USP8: variants seen among roughly 807,000 people sequenced by gnomAD.
The protein encoded by USP8 is ubiquitin carboxyl-terminal hydrolase 8.
In USP8, 27 loss-of-function variants were observed where a neutral mutation model predicts 130.0. That is an observed-to-expected ratio of 0.21 (90% confidence interval 0.15 to 0.29). The LOEUF is 0.29. USP8 is among the 10% of genes least tolerant of loss of function. The pLI is 1.00. For missense variants in USP8, 1,029 were observed against 1,312.2 expected (o/e 0.78, Z 3.33); for synonymous variants, 392 against 444.1 (o/e 0.88, Z 1.48).
chr15:50,502,630 A>G lies in USP8; in HGVS notation c.*3542A>G, dbSNP rs1322267171. ...AGTGATCCACCTGCCTCCACCTCCC[A>G]AAGTGCTGGGATTACAGGCGTGAGC... On this transcript the variant is annotated 3_prime_UTR_variant, in exon 20 of 20. Transcript: ENST00000307179. The G allele has an allele frequency of 6.6e-6, 1 of 152,114 alleles. No homozygotes were observed. The highest frequency in any genetic ancestry group is 1.9e-4 in the East Asian group (1 of 5,158). The allele number at this position is 152,114 out of a possible 1,614,324, so 9.4% of individuals were successfully genotyped here. A position where few individuals can be genotyped will look rare whatever the true frequency, so the allele number is the denominator to read the frequency against.
Position 50,503,826 on chromosome 15 carries a change from A to G in USP8, c.*4738A>G, listed in dbSNP as rs189991680. 1 of 152,354 alleles carries G rather than the reference A, an allele frequency of 6.6e-6. No homozygotes were observed. The highest frequency in any genetic ancestry group is 1.9e-4 in the East Asian group (1 of 5,192). 9.4% of individuals were successfully genotyped at this position (152,354 alleles called of 1,614,324 possible). On this transcript the variant is annotated 3_prime_UTR_variant, in exon 20 of 20. Coordinates refer to ENST00000307179, the MANE Select transcript of USP8 (RefSeq NM_005154.5). ...ATGAAACCCCAATGAAGTTGAGATC[A>G]CAATTCAAAATAATAGAACATGCAA... is the stretch of plus-strand genomic sequence containing the variant.
intron 7 of USP8, among the ~76,000 whole-genome samples, chr15:50,465,716 T>G (rs184746239): frequency 1.3e-5 from 2 of 152,346 alleles, no homozygotes; most frequent in Non-Finnish European, 2.9e-5. Context: ...TTTTACATAC[T>G]GAAATTCCCT....
chr15:50,513,521 A>T lies in USP8; in HGVS notation c.*14433A>T. ...TCGAGACAAGAGCGAAACTGTCTAA[A>T]AAAAAAAAAAAAAAAAAGAGTGAAG... On this transcript the variant is annotated 3_prime_UTR_variant, in exon 20 of 20. Transcript: ENST00000307179. The T allele has an allele frequency of 6.7e-6, 1 of 148,588 alleles. No individual in the cohort carries two copies. The highest frequency in any genetic ancestry group is 2.5e-5 in the African/African-American group (1 of 40,720). The allele number at this position is 148,588 out of a possible 1,614,324, so 9.2% of individuals were successfully genotyped here.
chr15:50,474,521 A>C (rs754701077), intron 8 of USP8, among the ~76,000 whole-genome samples: 21 of 152,238 alleles, frequency 1.4e-4, no homozygotes, highest in Non-Finnish European at 2.8e-4. Context: ...ATTGACCTAC[A>C]AATGGCAGTT....
intron 14 of USP8, among the ~76,000 whole-genome samples, chr15:50,491,580 G>A (rs3098177): frequency 0.47 from 71,162 of 151,990 alleles, 17,037 homozygotes; most frequent in East Asian, 0.58. Context: ...CAGGTAAAGA[G>A]GAGCTGATTG....
At chr15:50,431,945 C>A (rs1473663212) in intron 1 of USP8, among the ~76,000 whole-genome samples, 1 of 152,198 alleles carries the variant, frequency 6.6e-6, no homozygotes, top group Non-Finnish European at 1.5e-5. Flanking sequence ...TGTCAGCCAC[C>A]ATGCCCAGCC....
rs759395527 is a variant in USP8, at chr15:50,471,763, A to G, written c.817A>G (p.Thr273Ala). The change falls in exon 8 of 20, where the codon ACT becomes GCT. Residue 273 changes from threonine to alanine, a missense_variant. Around this residue, in one of 4 missense-constraint regions of USP8, gnomAD observed 281 missense variants for 336.7 expected, o/e 0.83. Coordinates refer to ENST00000307179, the MANE Select transcript of USP8 (RefSeq NM_005154.5). ...TGCCAAAGATTTACAGATTGGAACA[A>G]CTCTCCGGAGTCTGAAAGATGCACT... ...SSAKDLQIGTTLRSLKDALFK... is the reference protein window; with the variant it reads ...SSAKDLQIGTALRSLKDALFK... The G allele has an allele frequency of 1.2e-6, 2 of 1,613,338 alleles. No individual in the cohort carries two copies. The highest frequency in any genetic ancestry group is 1.7e-5 in the Admixed American group (1 of 59,914).
intron 1 of USP8, among the ~76,000 whole-genome samples, chr15:50,431,165 C>CTCTGTGTGTG (rs1555525411): frequency 1.4e-5 from 2 of 140,880 alleles, no homozygotes; most frequent in African/African-American, 5.4e-5. Flanking sequence ...GTGTGTGCCT[C>CTCTGTGTGTG]TGTGTGTGTG....
chr15:50,508,586 C>G lies in USP8; in HGVS notation c.*9498C>G, dbSNP rs910895436. On this transcript the variant is annotated 3_prime_UTR_variant, in exon 20 of 20. Transcript: ENST00000307179. ...AAACATTAAAACATAACAGAATAAACCCTAAAAGAGTAGAGGGAAGAGATA... is the reference window on the plus strand; with the variant it reads ...AAACATTAAAACATAACAGAATAAAGCCTAAAAGAGTAGAGGGAAGAGATA... The G allele has an allele frequency of 1.3e-5, 2 of 151,944 alleles. No homozygotes were observed. The highest frequency in any genetic ancestry group is 4.8e-5 in the African/African-American group (2 of 41,328). The allele number at this position is 151,944 out of a possible 1,614,324, so 9.4% of individuals were successfully genotyped here.
At chr15:50,470,895 G>A (rs1001446531) in intron 7 of USP8, among the ~76,000 whole-genome samples, 1 of 152,196 alleles carries the variant, frequency 6.6e-6, no homozygotes, top group Non-Finnish European at 1.5e-5. Flanking sequence ...ACCATGCCCA[G>A]CCGGACTTTA....
intron 1 of USP8, among the ~76,000 whole-genome samples, chr15:50,424,993 G>T (rs1289408537): frequency 1.5e-5 from 2 of 132,264 alleles, no homozygotes; most frequent in African/African-American, 5.2e-5. Flanking sequence ...TCAAATAGAA[G>T]ATTTTTTTTT....
rs2141301676 is a variant in USP8, at chr15:50,479,562, G to GTAT, written c.1219-1919_1219-1918insTAT. On this transcript the variant is annotated intron_variant, in intron 10 of 19. Coordinates refer to ENST00000307179, the MANE Select transcript of USP8 (RefSeq NM_005154.5). ...TTAAAATTAGGGAAAAATAGATCAA[G>GTAT]CCACCAAAATGTAAATGGAAACAAC... Among the ~76,000 whole-genome samples, 4 of 152,040 alleles carry GTAT rather than the reference G, an allele frequency of 2.6e-5. No individual in the cohort carries two copies. In the East Asian group the frequency reaches 7.7e-4, roughly 29 times the overall value.
In USP8 at chr15:50,441,329, A is replaced by AT. The variant is rs747536253; in HGVS notation, c.105-14dup. 9 of 1,567,086 alleles carry AT rather than the reference A, an allele frequency of 5.7e-6. No individual in the cohort carries two copies. Among genetic ancestry groups the AT allele is most frequent in the Admixed American group, 2.2e-5 (1 of 46,448 alleles). On this transcript the variant is annotated intron_variant, in intron 2 of 19. Coordinates refer to ENST00000307179, the MANE Select transcript of USP8 (RefSeq NM_005154.5). Reference sequence around the variant, plus strand: ...CCAGATGTCAATTGCTTTAATTATTATTTTTTCTCTAATTTTAAGTTATGT... The same window carrying AT: ...CCAGATGTCAATTGCTTTAATTATTATTTTTTTCTCTAATTTTAAGTTATGT...
intron 7 of USP8, among the ~76,000 whole-genome samples, chr15:50,466,203 A>T (rs1302479495): frequency 6.6e-6 from 1 of 152,178 alleles, no homozygotes; most frequent in African/African-American, 2.4e-5. Flanking sequence ...ATATATTTTT[A>T]AAATTAGGTA....
At chr15:50,495,502 A>G (rs551047234) in intron 16 of USP8, among the ~76,000 whole-genome samples, 102 of 148,692 alleles carry the variant, frequency 6.9e-4, no homozygotes, top group African/African-American at 2.5e-3. Context: ...GGGTCTCACT[A>G]TGTTGCACAA....
At chr15:50,491,035 T>G (rs17598020) in intron 14 of USP8, among the ~76,000 whole-genome samples, 2,891 of 152,300 alleles carry the variant, frequency 0.019, 37 homozygotes, top group Middle Eastern at 0.041. Context: ...GCTATTCTGT[T>G]TACAAATATT....
intron 7 of USP8, among the ~76,000 whole-genome samples, chr15:50,471,375 G>A (rs1338945165): frequency 1.3e-5 from 2 of 151,980 alleles, no homozygotes; most frequent in Admixed American, 1.3e-4. Context: ...TTTTTAAAAG[G>A]TCAGAATGAA....
At chr15:50,484,141 TA>T in intron 11 of USP8, 133 bp from the exon 12 acceptor site, 1 of 594,496 alleles carries the variant, frequency 1.7e-6, no homozygotes, top group Non-Finnish European at 2.8e-6. Context: ...TAAAATATAA[TA>T]AAATTTTCAG....
At chr15:50,463,385 A>G (rs1595939383) in intron 6 of USP8, 1 of 152,232 alleles carries the variant, frequency 6.6e-6, no homozygotes, top group Non-Finnish European at 1.5e-5. Flanking sequence ...TACCTTGTCT[A>G]CAGCCATACC....
Sources: gnomAD v4.1 joint callset for allele counts (sites outside exome capture counted in the v4.1 genomes callset) on GRCh38, gnomAD v4.1.1 for gene constraint, gnomAD v4.1.1 regional missense constraint, MANE v1.5 for transcripts, NCBI Gene and HGNC (gene_info 2026-07-23, HGNC 2026-07-21) for gene names.